The following DNMBP variants were observed in gnomAD, a reference collection of about 807,000 sequenced individuals.
The protein encoded by DNMBP is dynamin binding protein, also known as dynamin-binding protein.
In DNMBP, 87 loss-of-function variants were observed where a neutral mutation model predicts 150.0. The observed-to-expected ratio is 0.58, with a 90% CI of 0.49 to 0.69. DNMBP has a LOEUF of 0.69. Among genes scored for constraint, DNMBP ranks in the 30% least tolerant of loss-of-function variants. The pLI is 0.00. For synonymous variants in DNMBP, 711 were observed against 750.4 expected (o/e 0.95, Z 0.86); for missense variants, 1,774 against 1,949.0 (o/e 0.91, Z 1.69).
At chr10:99,892,064 C>T (rs1193462473) in intron 11 of DNMBP, among the ~76,000 whole-genome samples, 7 of 138,426 alleles carry the variant, frequency 5.1e-5, no homozygotes, top group Non-Finnish European at 9.1e-5. Flanking sequence ...GCTCCCCGCC[C>T]GGCCAGCCAC....
chr10:99,888,612 T>A (rs2039507710), intron 12 of DNMBP, among the ~76,000 whole-genome samples: 1 of 152,190 alleles, frequency 6.6e-6, no homozygotes, highest in Non-Finnish European at 1.5e-5. Context: ...AGCTATTTTT[T>A]AAAAAACCTG....
intron 11 of DNMBP, among the ~76,000 whole-genome samples, chr10:99,890,176 C>A (rs965918993): frequency 1.3e-5 from 2 of 152,170 alleles, no homozygotes; most frequent in African/African-American, 2.4e-5. Flanking sequence ...AGTGGGAGAT[C>A]TAATGTGAAA....
chr10:99,960,016 A>C (rs988135823), intron 3 of DNMBP, among the ~76,000 whole-genome samples: 38 of 152,258 alleles, frequency 2.5e-4, no homozygotes, highest in African/African-American at 8.7e-4. Context: ...AGGTACCAAT[A>C]ATCACCACTT....
intron 16 of DNMBP, 95 bp downstream of exon 16, chr10:99,879,716 G>T: frequency 6.4e-7 from 1 of 1,555,238 alleles, no homozygotes; most frequent in Non-Finnish European, 8.7e-7. Flanking sequence ...ATCACCCCTA[G>T]GCCTCAGGCA....
intron 16 of DNMBP, 37 bp downstream of exon 16, chr10:99,879,774 C>T (rs375685133): frequency 3.9e-5 from 63 of 1,606,368 alleles, no homozygotes; most frequent in South Asian, 3.9e-4. Context: ...CATCTGCTGC[C>T]GCCTGTGCCA....
intron 4 of DNMBP, among the ~76,000 whole-genome samples, chr10:99,944,210 C>T (rs191037609): frequency 3.2e-4 from 48 of 152,312 alleles, no homozygotes; most frequent in African/African-American, 1.1e-3. Context: ...AATATGATCA[C>T]TGGGGTTTCA....
Position 99,949,095 on chromosome 10 carries a change from C to T in DNMBP, c.2260+6119G>A, listed in dbSNP as rs59185296. 8.0e-3 allele frequency among the ~76,000 whole-genome samples: 1,219 copies of T among 152,246 alleles called. 18 individuals are homozygous for T. Among genetic ancestry groups the T allele is most frequent in the African/African-American group, 0.028 (1,166 of 41,536 alleles). Reference sequence around the variant, plus strand: ...CAGCACTGGTCTGACAAGGGGCCTGCCATCTCTGCACTGATTCCCAGGTCC... The same window carrying T: ...CAGCACTGGTCTGACAAGGGGCCTGTCATCTCTGCACTGATTCCCAGGTCC... On this transcript the variant is annotated intron_variant, in intron 4 of 16. Transcript: ENST00000324109.
chr10:99,929,965 CT>C, intron 4 of DNMBP: 1 of 702,808 alleles, frequency 1.4e-6, no homozygotes, highest in East Asian at 2.7e-5. Context: ...GCATCATAGC[CT>C]TTATTTTCTG....
chr10:99,892,161 G>A (rs1187688141), intron 11 of DNMBP, among the ~76,000 whole-genome samples: 5 of 143,654 alleles, frequency 3.5e-5, no homozygotes, highest in African/African-American at 5.4e-5. Flanking sequence ...GCCCCGTCCA[G>A]GAGGGAGGTG....
intron 12 of DNMBP, 59 bp from the exon 13 acceptor site, chr10:99,886,691 C>A (rs958708624): frequency 6.6e-7 from 1 of 1,514,554 alleles, no homozygotes; most frequent in Middle Eastern, 2.1e-4. Flanking sequence ...TTGTGATTAT[C>A]CAAGTCACTC....
At chr10:99,887,974 G>A (rs193043247) in intron 12 of DNMBP, among the ~76,000 whole-genome samples, 37 of 151,736 alleles carry the variant, frequency 2.4e-4, no homozygotes, top group East Asian at 1.8e-3. Context: ...ACAGGTGTGC[G>A]CCACCACACC....
intron 16 of DNMBP, 32 bp downstream of exon 16, chr10:99,879,779 G>A (rs1455553106): frequency 1.9e-6 from 3 of 1,608,802 alleles, no homozygotes; most frequent in African/African-American, 2.7e-5. Flanking sequence ...GCTGCCGCCT[G>A]TGCCACAGTG....
At chr10:99,985,164 T>A (rs1372036319) in intron 1 of DNMBP, among the ~76,000 whole-genome samples, 1 of 149,440 alleles carries the variant, frequency 6.7e-6, no homozygotes, top group East Asian at 1.9e-4. Flanking sequence ...CCAATTGGAG[T>A]TAAAAATAGC....
chr10:99,987,599 T>C (rs575335392), intron 1 of DNMBP, among the ~76,000 whole-genome samples: 95 of 152,142 alleles, frequency 6.2e-4, no homozygotes, highest in African/African-American at 2.2e-3. Context: ...CTGGGCATGA[T>C]GGTGTGCACC....
chr10:99,927,431 T>C (rs2040094469), intron 4 of DNMBP: 1 of 152,214 alleles, frequency 6.6e-6, no homozygotes, highest in South Asian at 2.1e-4. Flanking sequence ...AGAGAGGTAT[T>C]ATCTTCACTT....
intron 1 of DNMBP, among the ~76,000 whole-genome samples, chr10:99,980,281 C>T (rs2040768657): frequency 1.3e-5 from 2 of 151,882 alleles, no homozygotes; most frequent in African/African-American, 2.4e-5. Flanking sequence ...CCTATCTCTA[C>T]TAAAAATACA....
chr10:99,983,527 G>C (rs529936665), intron 1 of DNMBP, among the ~76,000 whole-genome samples: 19 of 152,210 alleles, frequency 1.2e-4, no homozygotes, highest in South Asian at 4.1e-4. Context: ...AGATTCTTCA[G>C]ATAACTAGCA....
intron 12 of DNMBP, 66 bp from the exon 13 acceptor site, chr10:99,886,698 A>C: frequency 3.4e-6 from 5 of 1,483,912 alleles, no homozygotes; most frequent in Non-Finnish European, 4.6e-6. Context: ...TATCCAAGTC[A>C]CTCTTAAGGC....
intron 1 of DNMBP, among the ~76,000 whole-genome samples, chr10:100,009,195 G>C (rs906970160): frequency 3.9e-5 from 6 of 152,206 alleles, no homozygotes; most frequent in Non-Finnish European, 7.3e-5. Flanking sequence ...ATCTGCATCA[G>C]GCCCCGGCCT....
Sources: allele counts gnomAD v4.1 joint callset (sites outside exome capture counted in the v4.1 genomes callset), GRCh38; gene constraint gnomAD v4.1.1; transcripts MANE v1.5; gene names NCBI Gene and HGNC (gene_info 2026-07-23, HGNC 2026-07-21).